The following NREP variants were observed in gnomAD, a reference collection of about 807,000 sequenced individuals.
NREP encodes the protein neuronal regeneration-related protein.
A neutral mutation model predicts 8.6 loss-of-function variants in NREP; 5 were observed. The observed-to-expected ratio is 0.58, with a 90% CI of 0.30 to 1.22. NREP has a LOEUF of 1.22. Among genes scored for constraint, NREP ranks in the 50% most tolerant of loss-of-function variants. NREP has a pLI of 0.07. For missense variants in NREP, 86 were observed against 82.5 expected (o/e 1.04, Z -0.17); for synonymous variants, 27 against 28.0 (o/e 0.96, Z 0.11).
chr5:111,737,873 A>G (rs1020946588), intron 2 of NREP, among the ~76,000 whole-genome samples: 1 of 151,588 alleles, frequency 6.6e-6, no homozygotes, highest in Admixed American at 6.6e-5. Flanking sequence ...TTTTTTCACT[A>G]TTAGGCATTT....
chr5:111,811,855 T>G (rs1452092343), intron 2 of NREP, among the ~76,000 whole-genome samples: 1 of 152,152 alleles, frequency 6.6e-6, no homozygotes, highest in Non-Finnish European at 1.5e-5. Context: ...TCACTGATAC[T>G]GAGTCCCAGA....
intron 2 of NREP, among the ~76,000 whole-genome samples, chr5:111,831,224 C>T (rs1048835158): frequency 2.0e-5 from 3 of 152,094 alleles, no homozygotes; most frequent in Non-Finnish European, 4.4e-5. Flanking sequence ...CTGGGTACAT[C>T]CCTTTTGGAA....
intron 1 of NREP, 138 bp from the exon 2 acceptor site, chr5:111,755,968 T>C (rs1395233156): frequency 2.8e-6 from 4 of 1,442,904 alleles, no homozygotes; most frequent in Admixed American, 2.5e-5. Flanking sequence ...TGTTAACTAC[T>C]GGGATTTCTG....
chr5:111,910,213 G>A (rs932046935), intron 2 of NREP, among the ~76,000 whole-genome samples: 1 of 151,926 alleles, frequency 6.6e-6, no homozygotes, highest in African/African-American at 2.4e-5. Context: ...ATACCTCCCT[G>A]AATTTTCACT....
At chr5:111,775,915 G>C (rs1751345917) in intron 2 of NREP, among the ~76,000 whole-genome samples, 1 of 151,962 alleles carries the variant, frequency 6.6e-6, no homozygotes, top group Non-Finnish European at 1.5e-5. Context: ...TCACAATAAA[G>C]GAATGATAAG....
At chr5:111,936,566 A>G (rs1755688748) in intron 2 of NREP, among the ~76,000 whole-genome samples, 1 of 152,090 alleles carries the variant, frequency 6.6e-6, no homozygotes, top group Admixed American at 6.6e-5. Context: ...TTAAATATTT[A>G]TATCTGCAAC....
At chr5:111,743,243 A>G (rs1749793754) in intron 2 of NREP, among the ~76,000 whole-genome samples, 1 of 151,386 alleles carries the variant, frequency 6.6e-6, no homozygotes, top group Non-Finnish European at 1.5e-5. Context: ...ACAATACAAG[A>G]TAGTTGCTCT....
At position 111,883,434 on chromosome 5, in the gene NREP, G is replaced by C. The variant is rs1038340079; in HGVS notation, c.135+91840C>G. On this transcript the variant is annotated intron_variant, in intron 2 of 3. Coordinates refer to the NREP transcript ENST00000395634. ...ATCAACGAGACAGAAAGTTAACAAG[G>C]ATACCCAGGAATTGAACTCAGCTCT... Among the ~76,000 whole-genome samples, 6 of 152,132 alleles carry C rather than the reference G, an allele frequency of 3.9e-5. No individual in the cohort carries two copies. The East Asian group carries it at 1.2e-3, about 29-fold the overall frequency.
At chr5:111,888,966 A>G (rs576197843) in intron 2 of NREP, among the ~76,000 whole-genome samples, 3 of 152,378 alleles carry the variant, frequency 2.0e-5, no homozygotes, top group South Asian at 4.1e-4. Flanking sequence ...ATAAAGACAG[A>G]AAATGAAATG....
intron 2 of NREP, among the ~76,000 whole-genome samples, chr5:111,903,062 T>G (rs1207030212): frequency 1.3e-5 from 2 of 151,262 alleles, no homozygotes; most frequent in Non-Finnish European, 2.9e-5. Context: ...CTATTTTCCA[T>G]GAATTGTCTT....
intron 2 of NREP, among the ~76,000 whole-genome samples, chr5:111,924,566 C>T (rs929029635): frequency 1.3e-5 from 2 of 152,058 alleles, no homozygotes. Context: ...TGAATTGGGA[C>T]TATGGCCTCA....
intron 2 of NREP, among the ~76,000 whole-genome samples, chr5:111,754,851 A>G (rs180920497): frequency 5.3e-5 from 8 of 152,354 alleles, no homozygotes; most frequent in Admixed American, 4.6e-4. Flanking sequence ...AACATCAAAG[A>G]TATCAGATTA....
chr5:111,773,926 G>A (rs1190276415), intron 2 of NREP, among the ~76,000 whole-genome samples: 1 of 152,038 alleles, frequency 6.6e-6, no homozygotes, highest in Admixed American at 6.6e-5. Flanking sequence ...CCACACTCCT[G>A]GACCAGGAAG....
intron 2 of NREP, among the ~76,000 whole-genome samples, chr5:111,736,183 C>T (rs754546846): frequency 3.1e-4 from 47 of 152,132 alleles, no homozygotes; most frequent in Admixed American, 9.8e-4. Flanking sequence ...CAGCTGTTCT[C>T]CATCTTCAAG....
At chr5:111,827,831 T>C (rs1485233983) in intron 2 of NREP, among the ~76,000 whole-genome samples, 1 of 151,936 alleles carries the variant, frequency 6.6e-6, no homozygotes, top group Admixed American at 6.6e-5. Flanking sequence ...CCACACGGGA[T>C]GACTCTGTCT....
chr5:111,814,961 A>AG (rs1384987358), intron 2 of NREP, among the ~76,000 whole-genome samples: 2 of 131,036 alleles, frequency 1.5e-5, no homozygotes, highest in Admixed American at 8.3e-5. Context: ...AGTTACCAAG[A>AG]GGAAAAAAAA....
intron 2 of NREP, among the ~76,000 whole-genome samples, chr5:111,802,429 A>G (rs1752035037): frequency 6.6e-6 from 1 of 152,202 alleles, no homozygotes; most frequent in South Asian, 2.1e-4. Flanking sequence ...GGAGCACAGA[A>G]TATTTCTAAG....
chr5:111,757,298 G>A (rs1229846368), upstream of NREP: 1 of 650,080 alleles, frequency 1.5e-6, no homozygotes, highest in Non-Finnish European at 1.9e-6. Flanking sequence ...GGGAGGAGGG[G>A]GAAGGGAAAC....
chr5:111,770,900 A>C (rs1217322833), intron 2 of NREP, among the ~76,000 whole-genome samples: 1 of 152,128 alleles, frequency 6.6e-6, no homozygotes, highest in Non-Finnish European at 1.5e-5. Context: ...CTCTTCAGCA[A>C]GCAAGAGAAG....
Sources: allele counts gnomAD v4.1 joint callset (sites outside exome capture counted in the v4.1 genomes callset), GRCh38; gene constraint gnomAD v4.1.1; transcripts MANE v1.5; gene names NCBI Gene and HGNC (gene_info 2026-07-23, HGNC 2026-07-21).